Variants in DUS2 observed in about 807,000 individuals in gnomAD.
The protein encoded by DUS2 is dihydrouridine synthase 2, also known as tRNA-dihydrouridine(20) synthase [NAD(P)+]-like.
Under a neutral mutation model 71.3 loss-of-function variants are expected in DUS2, and 52 were observed. The observed-to-expected ratio is 0.73, with a 90% CI of 0.58 to 0.92. DUS2 has a LOEUF of 0.92. Ranked by LOEUF, DUS2 falls within the 40% of genes least tolerant of loss-of-function variation. DUS2 has a pLI of 0.00. For synonymous variants in DUS2, 204 were observed against 227.8 expected (o/e 0.90, Z 0.94); for missense variants, 558 against 622.6 (o/e 0.90, Z 1.10).
intron 8 of DUS2, 110 bp from the exon 9 acceptor site, chr16:68,066,207 A>C (rs2034002657): frequency 1.0e-6 from 1 of 994,140 alleles, no homozygotes; most frequent in Admixed American, 1.7e-5. Context: ...ACACATATGC[A>C]AACTGTTCAT....
chr16:68,040,713 G>A (rs7196088), intron 3 of DUS2, among the ~76,000 whole-genome samples: 6,938 of 152,098 alleles, frequency 0.046, 521 homozygotes, highest in African/African-American at 0.16. Flanking sequence ...TAGGTGGCTG[G>A]GACTGGGCCC....
chr16:68,059,136 C>T (rs2033902866), intron 7 of DUS2, among the ~76,000 whole-genome samples: 1 of 152,054 alleles, frequency 6.6e-6, no homozygotes, highest in Non-Finnish European at 1.5e-5. Flanking sequence ...TTGCATGAAC[C>T]CCAGAGGCAG....
At chr16:68,054,744 T>A in intron 6 of DUS2, 127 bp downstream of exon 6, 6 of 1,171,400 alleles carry the variant, frequency 5.1e-6, no homozygotes, top group Non-Finnish European at 7.6e-6. Context: ...TGTTTCCAGG[T>A]TAAGAGTGCC....
At chr16:68,071,242 T>TAGTGC in intron 12 of DUS2, 134 bp downstream of exon 12, 3 of 881,248 alleles carry the variant, frequency 3.4e-6, no homozygotes, top group Non-Finnish European at 5.2e-6. Flanking sequence ...TCATGTAGTG[T>TAGTGC]AGCTGCACTA....
chr16:68,072,916 T>C (rs528203103), intron 12 of DUS2, among the ~76,000 whole-genome samples: 1 of 152,156 alleles, frequency 6.6e-6, no homozygotes, highest in Non-Finnish European at 1.5e-5. Context: ...GAGTAACCCA[T>C]GTGAACTAAA....
intron 5 of DUS2, chr16:68,054,012 T>C (rs2033815425): frequency 1.9e-5 from 4 of 213,540 alleles, no homozygotes; most frequent in Non-Finnish European, 2.8e-5. Context: ...CATAGAAAAA[T>C]ATTAGGATTT....
rs1462907278 is a variant in DUS2 at position 68,047,158 on chromosome 16, C to T, written c.127-2347C>T. Among the ~76,000 whole-genome samples the T allele has an allele frequency of 1.0e-4, 15 of 147,374 alleles. No individual in the cohort carries two copies. In the East Asian group the frequency reaches 2.4e-3, roughly 24 times the overall value. On this transcript the variant is annotated intron_variant, in intron 3 of 16. Transcript: ENST00000565263. ...GCAACCTCCGCCTCCTGGGTTCAAG[C>T]GATTCTCCTGCCTCAGCCTCCCAAG... is the stretch of plus-strand genomic sequence containing the variant.
Position 68,025,853 on chromosome 16 carries a change from G to C in DUS2, c.-19+359G>C, listed in dbSNP as rs556788776. Among the ~76,000 whole-genome samples the C allele has an allele frequency of 2.6e-5, 4 of 152,282 alleles. No homozygotes were observed. The South Asian group carries it at 8.3e-4, about 32-fold the overall frequency. On this transcript the variant is annotated intron_variant, in intron 2 of 16. Coordinates refer to ENST00000565263, the MANE Select transcript of DUS2 (RefSeq NM_017803.5). ...AGCTTGGTGTGTTCCTTGGATCTCAGTTAATAATGGTATATTCATTCATTC... is the reference window on the plus strand; with the variant it reads ...AGCTTGGTGTGTTCCTTGGATCTCACTTAATAATGGTATATTCATTCATTC...
intron 15 of DUS2, chr16:68,078,243 C>A: frequency 1.7e-6 from 1 of 603,106 alleles, no homozygotes; most frequent in Admixed American, 2.8e-5. Context: ...AGGTCTGTGA[C>A]AGCTCCAGAC....
In DUS2 at chr16:68,066,040, C is replaced by T. The variant is rs550400167; in HGVS notation, c.418-277C>T. Reference sequence around the variant, plus strand: ...TCAGTGAGCTGCACACAGGTGTACACGCGTACCCATTCACTCACTCATTCA... The same window carrying T: ...TCAGTGAGCTGCACACAGGTGTACATGCGTACCCATTCACTCACTCATTCA... On this transcript the variant is annotated intron_variant, in intron 8 of 16. Coordinates refer to ENST00000565263, the MANE Select transcript of DUS2 (RefSeq NM_017803.5). Among the ~76,000 whole-genome samples the T allele has an allele frequency of 6.6e-5, 10 of 152,282 alleles. No homozygotes were observed. In the East Asian group the frequency reaches 7.7e-4, roughly 12 times the overall value.
chr16:68,070,797 C>T, intron 11 of DUS2, 143 bp from the exon 12 acceptor site: 2 of 761,796 alleles, frequency 2.6e-6, no homozygotes, highest in Non-Finnish European at 2.2e-6. Flanking sequence ...ATTCTAATAT[C>T]CACTTTACTG....
At chr16:68,043,179 C>T (rs1194981996) in intron 3 of DUS2, among the ~76,000 whole-genome samples, 2 of 152,048 alleles carry the variant, frequency 1.3e-5, no homozygotes, top group Admixed American at 6.6e-5. Flanking sequence ...GAGGCCGACT[C>T]AGGTGGATCA....
At chr16:68,063,112 A>G (rs1038543228) in intron 8 of DUS2, among the ~76,000 whole-genome samples, 14 of 152,182 alleles carry the variant, frequency 9.2e-5, no homozygotes, top group African/African-American at 1.7e-4. Context: ...GGCAGATTTC[A>G]TCCATGAGGC....
Position 68,078,519 on chromosome 16 carries a change from G to C in DUS2, c.1244+1G>C. On this transcript the variant is annotated splice_donor_variant, in intron 16 of 16. Coordinates refer to ENST00000565263, the MANE Select transcript of DUS2 (RefSeq NM_017803.5). LOFTEE classifies it high-confidence loss of function. ...AACAAAAGTATCAGTCTACCTTGTG[G>C]TAAGTTTCCTTATCATAGGAGAGGA... 1 of 1,613,818 alleles carries C rather than the reference G, an allele frequency of 6.2e-7. No homozygotes were observed. The highest frequency in any genetic ancestry group is 8.5e-7 in the Non-Finnish European group (1 of 1,179,924).
intron 7 of DUS2, among the ~76,000 whole-genome samples, chr16:68,058,747 GGT>G (rs2033896433): frequency 6.6e-6 from 1 of 152,126 alleles, no homozygotes; most frequent in East Asian, 1.9e-4. Flanking sequence ...GTTTTTATCT[GGT>G]TATGCATAGG....
In DUS2 at chr16:68,078,770, G is replaced by A. The variant is rs569424330; in HGVS notation, c.1266G>A (p.Ala422=). The A allele has an allele frequency of 3.8e-5, 61 of 1,609,182 alleles. No homozygotes were observed. The highest frequency in any genetic ancestry group is 4.5e-5 in the Non-Finnish European group (53 of 1,176,898). The change falls in exon 17 of 17, where the codon GCG becomes GCA. Residue 422 remains alanine (A), a synonymous_variant. Transcript: ENST00000565263. ...TCAGGGACAAGTCCAAGAAACTGGC[G>A]GAGCAGGCTGCAGCCATCGTCTGTC... is the stretch of plus-strand genomic sequence containing the variant. ...STLWDKSKKL[A]EQAAAIVCLR... is the part of the protein sequence containing the mutation.
At chr16:68,065,407 G>T (rs545321692) in intron 8 of DUS2, among the ~76,000 whole-genome samples, 5 of 151,602 alleles carry the variant, frequency 3.3e-5, no homozygotes, top group Non-Finnish European at 7.4e-5. Context: ...AACAGGGATG[G>T]GCTAGGTGCA....
At chr16:68,035,891 TATATA>T in intron 2 of DUS2, among the ~76,000 whole-genome samples, 1 of 3,186 alleles carries the variant, frequency 3.1e-4, no homozygotes, top group African/African-American at 3.4e-4. Context: ...ATTTTATATA[TATATA>T]TATATATATA....
At chr16:68,075,279 G>T (rs1170054702) in intron 13 of DUS2, 76 bp from the exon 14 acceptor site, 13 of 1,406,924 alleles carry the variant, frequency 9.2e-6, no homozygotes, top group Middle Eastern at 2.0e-4. Flanking sequence ...CTCAGTGGTG[G>T]GGCCCTGGGG....
Sources: gnomAD v4.1 joint callset for allele counts (sites outside exome capture counted in the v4.1 genomes callset) on GRCh38, gnomAD v4.1.1 for gene constraint, MANE v1.5 for transcripts, NCBI Gene and HGNC (gene_info 2026-07-23, HGNC 2026-07-21) for gene names.